The following PTPRN2 variants were observed in gnomAD, a reference collection of about 807,000 sequenced individuals.
The protein encoded by PTPRN2 is receptor-type tyrosine-protein phosphatase N2.
In PTPRN2, 74 loss-of-function variants were observed where a neutral mutation model predicts 118.8. That is an observed-to-expected ratio of 0.62 (90% CI 0.52 to 0.76). The LOEUF (loss-of-function observed/expected upper bound fraction) is 0.76, where lower values mean the gene tolerates loss of function less well. PTPRN2 is among the 30% of genes least tolerant of loss of function. PTPRN2 has a pLI of 0.00. For synonymous variants in PTPRN2, 641 were observed against 608.0 expected (o/e 1.05, Z -0.80); for missense variants, 1,481 against 1,394.4 (o/e 1.06, Z -0.99).
intron 2 of PTPRN2, among the ~76,000 whole-genome samples, chr7:158,341,039 T>TGA (rs1554471057): frequency 8.0e-5 from 2 of 24,862 alleles, no homozygotes; most frequent in Non-Finnish European, 1.7e-4. Context: ...ACACTCACCA[T>TGA]GAGGTGACAC....
At chr7:158,410,631 T>C (rs1813972176) in intron 2 of PTPRN2, among the ~76,000 whole-genome samples, 1 of 152,148 alleles carries the variant, frequency 6.6e-6, no homozygotes, top group Non-Finnish European at 1.5e-5. Flanking sequence ...AAACCACGAG[T>C]GGCTCTTAAC....
chr7:157,953,515 C>G lies in PTPRN2; in HGVS notation c.1724-54778G>C, dbSNP rs1800968329. Among the ~76,000 whole-genome samples, 1 of 152,154 alleles carries G rather than the reference C, an allele frequency of 6.6e-6. No homozygotes were observed. Among genetic ancestry groups the G allele is most frequent in the Non-Finnish European group, 1.5e-5 (1 of 68,016 alleles). On this transcript the variant is annotated intron_variant, in intron 11 of 22. Transcript: ENST00000389418. This position sits in a 1 kb window ranked among gnomAD's most constrained non-coding sequence, Gnocchi z 4.6. ...CACCATGAGGCTGCTGGCACGGGTGCCTTTGCTGCCGGCTGCTGTCTGTGC... is the reference window on the plus strand; with the variant it reads ...CACCATGAGGCTGCTGGCACGGGTGGCTTTGCTGCCGGCTGCTGTCTGTGC...
intron 5 of PTPRN2, among the ~76,000 whole-genome samples, chr7:158,183,134 A>G (rs1824856572): frequency 6.6e-6 from 1 of 152,094 alleles, no homozygotes. Flanking sequence ...TTCCATTTGC[A>G]TGGAATATAT....
At chr7:158,041,245 T>C (rs1585253479) in intron 11 of PTPRN2, among the ~76,000 whole-genome samples, 1 of 152,290 alleles carries the variant, frequency 6.6e-6, no homozygotes, top group East Asian at 1.9e-4. Context: ...CTACTAGTTA[T>C]AAAGGGAAGT....
chr7:158,405,137 GT>G (rs1189001918), intron 2 of PTPRN2, among the ~76,000 whole-genome samples: 1 of 152,118 alleles, frequency 6.6e-6, no homozygotes, highest in East Asian at 1.9e-4. Flanking sequence ...TTGTTACAGG[GT>G]TTCCCCATCC....
At chr7:158,223,546 G>A (rs1259723072) in intron 3 of PTPRN2, among the ~76,000 whole-genome samples, 1 of 152,026 alleles carries the variant, frequency 6.6e-6, no homozygotes, top group African/African-American at 2.4e-5. Context: ...ATATTAATAG[G>A]CTAAAGAAGA....
intron 11 of PTPRN2, among the ~76,000 whole-genome samples, chr7:157,920,455 G>A (rs1480488633): frequency 6.6e-6 from 1 of 152,152 alleles, no homozygotes; most frequent in East Asian, 1.9e-4. Flanking sequence ...ATACAGCAAA[G>A]GCTCTGAGCC....
chr7:157,976,107 C>A (rs1203769541), intron 11 of PTPRN2, among the ~76,000 whole-genome samples: 1 of 152,238 alleles, frequency 6.6e-6, no homozygotes, highest in Non-Finnish European at 1.5e-5. Context: ...CAAAAGCCAC[C>A]CCAGCTCAGA....
At chr7:158,039,408 C>T (rs1462978921) in intron 11 of PTPRN2, among the ~76,000 whole-genome samples, 1 of 152,340 alleles carries the variant, frequency 6.6e-6, no homozygotes, top group Admixed American at 6.5e-5. Context: ...GACCTGATCA[C>T]AGGGCCAGAG....
chr7:157,956,361 T>C (rs1179951865), intron 11 of PTPRN2, among the ~76,000 whole-genome samples: 1 of 152,098 alleles, frequency 6.6e-6, no homozygotes, highest in African/African-American at 2.4e-5. Context: ...GACACAGGTG[T>C]CTACCGAGAG....
intron 11 of PTPRN2, among the ~76,000 whole-genome samples, chr7:157,909,310 G>A (rs1335274120): frequency 6.6e-6 from 1 of 152,164 alleles, no homozygotes; most frequent in Non-Finnish European, 1.5e-5. Context: ...TAAATGTCCA[G>A]AAGCCCAGCA....
At chr7:157,624,904 C>A (rs1023836142) in intron 14 of PTPRN2, among the ~76,000 whole-genome samples, 12 of 152,102 alleles carry the variant, frequency 7.9e-5, no homozygotes, top group Non-Finnish European at 1.6e-4. Flanking sequence ...ACAATCCTAT[C>A]AAAAAGTGGG....
chr7:157,655,907 C>T (rs1366548690), intron 14 of PTPRN2, among the ~76,000 whole-genome samples: 2 of 151,888 alleles, frequency 1.3e-5, no homozygotes, highest in African/African-American at 4.8e-5. Flanking sequence ...GAGCCGAGCA[C>T]CCAGCCCACA....
chr7:157,626,402 C>G (rs1355303719), intron 14 of PTPRN2, among the ~76,000 whole-genome samples: 2 of 152,290 alleles, frequency 1.3e-5, no homozygotes, highest in East Asian at 1.9e-4. Context: ...CACCGCCATC[C>G]TTCTCTACAT....
chr7:158,200,952 A>G (rs763264348), intron 4 of PTPRN2, among the ~76,000 whole-genome samples: 2 of 152,350 alleles, frequency 1.3e-5, no homozygotes, highest in East Asian at 3.9e-4. Context: ...AATAGCGTAA[A>G]TAAGTTTTAC....
chr7:157,914,944 C>T (rs1287419486), intron 11 of PTPRN2, among the ~76,000 whole-genome samples: 1 of 152,146 alleles, frequency 6.6e-6, no homozygotes, highest in Admixed American at 6.5e-5. Context: ...TGCTATTAAA[C>T]TCATACCCTT....
chr7:157,992,295 C>T (rs577724608), intron 11 of PTPRN2, among the ~76,000 whole-genome samples: 5 of 152,340 alleles, frequency 3.3e-5, no homozygotes, highest in East Asian at 1.9e-4. Flanking sequence ...CATGGCGACA[C>T]GTTCTCTGGA....
In PTPRN2 at chr7:157,716,594, C is replaced by A. The variant is rs201573516; in HGVS notation, c.1789-33657G>T. Reference sequence around the variant, plus strand: ...CCTGGCCACGTAGACTCTGCGGGAACACTGCCTGGTCACACAGACTCTGCA... The same window carrying A: ...CCTGGCCACGTAGACTCTGCGGGAAAACTGCCTGGTCACACAGACTCTGCA... On this transcript the variant is annotated intron_variant, in intron 12 of 22. Coordinates refer to ENST00000389418, the MANE Select transcript of PTPRN2 (RefSeq NM_002847.5). 8.1e-3 allele frequency among the ~76,000 whole-genome samples: 571 copies of A among 70,398 alleles called. 123 individuals are homozygous for A. In the South Asian group the frequency reaches 0.15, roughly 19 times the overall value. 46.2% of individuals were successfully genotyped at this position (70,398 alleles called of 152,430 possible). A position where few individuals can be genotyped will look rare whatever the true frequency, so the allele number is the denominator to read the frequency against.
At position 158,066,862 on chromosome 7, in the gene PTPRN2, A is replaced by G. The variant is rs571719306; in HGVS notation, c.1723+14436T>C. Among the ~76,000 whole-genome samples, 173 of 152,244 alleles carry G rather than the reference A, an allele frequency of 1.1e-3. 1 individual carries two copies. Among genetic ancestry groups the G allele is most frequent in the Non-Finnish European group, 2.1e-3 (145 of 68,012 alleles). ...CATATGGGGTGGCTGAGGGCTCTGCAGAGAGAAACACTTCCTCAGTGGGGC... is the reference window on the plus strand; with the variant it reads ...CATATGGGGTGGCTGAGGGCTCTGCGGAGAGAAACACTTCCTCAGTGGGGC... On this transcript the variant is annotated intron_variant, in intron 11 of 22. Transcript: ENST00000389418.
Sources: allele counts gnomAD v4.1 joint callset (sites outside exome capture counted in the v4.1 genomes callset), GRCh38; gene constraint gnomAD v4.1.1; non-coding constraint Gnocchi (gnomAD v3.1); transcripts MANE v1.5; gene names NCBI Gene and HGNC (gene_info 2026-07-23, HGNC 2026-07-21).